ADCY2: variants seen among roughly 807,000 people sequenced by gnomAD.
ADCY2 encodes the protein adenylate cyclase 2, also known as adenylate cyclase type 2.
Under a neutral mutation model 125.2 loss-of-function variants are expected in ADCY2, and 31 were observed. The observed-to-expected ratio is 0.25, with a 90% CI of 0.19 to 0.33. ADCY2 has a LOEUF of 0.33. Among genes scored for constraint, ADCY2 ranks in the 10% least tolerant of loss-of-function variants. ADCY2 has a pLI of 1.00. For synonymous variants in ADCY2, 512 were observed against 548.4 expected, an observed-to-expected ratio of 0.93 and a Z score of 0.93; for missense variants, 904 against 1,418.2, an observed-to-expected ratio of 0.64 and a Z score of 5.82.
At chr5:7,463,304 A>G (rs1278860562) in intron 2 of ADCY2, among the ~76,000 whole-genome samples, 1 of 152,170 alleles carries the variant, frequency 6.6e-6, no homozygotes, top group African/African-American at 2.4e-5. Context: ...AGATTTATTC[A>G]GTGTCCATTA....
At chr5:7,465,063 TACTC>T (rs1445407937) in intron 2 of ADCY2, among the ~76,000 whole-genome samples, 2 of 152,146 alleles carry the variant, frequency 1.3e-5, no homozygotes, top group Non-Finnish European at 2.9e-5. Flanking sequence ...TCATGAGACT[TACTC>T]ACTACTATGA....
intron 2 of ADCY2, among the ~76,000 whole-genome samples, chr5:7,474,967 T>G (rs1237843577): frequency 6.6e-6 from 1 of 152,204 alleles, no homozygotes; most frequent in African/African-American, 2.4e-5. Context: ...AGGGTATCCC[T>G]GGACCTGGGC....
chr5:7,792,921 C>T (rs1403488064), intron 20 of ADCY2, among the ~76,000 whole-genome samples: 18 of 152,180 alleles, frequency 1.2e-4, no homozygotes, highest in Admixed American at 1.0e-3. Flanking sequence ...CCAGGTGAGG[C>T]GGGCATTTCA....
intron 3 of ADCY2, among the ~76,000 whole-genome samples, chr5:7,603,808 T>C: frequency 8.0e-5 from 10 of 124,650 alleles, no homozygotes; most frequent in East Asian, 2.7e-4. Flanking sequence ...TTTTTTTTTT[T>C]TCTTTTGTTT....
In ADCY2 at chr5:7,802,176, G is replaced by A. The variant is rs1744617824; in HGVS notation, c.2629-42G>A. Reference sequence around the variant, plus strand: ...GCCTGTGGAGTGTTTCTGTTTAAAGGTCAGTCTCCTAGTGATCAGCTCTTG... The same window carrying A: ...GCCTGTGGAGTGTTTCTGTTTAAAGATCAGTCTCCTAGTGATCAGCTCTTG... On this transcript the variant is annotated intron_variant, in intron 20 of 24. Coordinates refer to ENST00000338316, the MANE Select transcript of ADCY2 (RefSeq NM_020546.3). The surrounding 1 kb of genome is among the most constrained non-coding windows in gnomAD (Gnocchi z 4.6). The A allele has an allele frequency of 2.5e-6, 4 of 1,597,300 alleles. No homozygotes were observed. Among genetic ancestry groups the A allele is most frequent in the Non-Finnish European group, 3.4e-6 (4 of 1,174,788 alleles).
chr5:7,505,173 C>T (rs571942145), intron 2 of ADCY2, among the ~76,000 whole-genome samples: 3 of 152,222 alleles, frequency 2.0e-5, no homozygotes, highest in South Asian at 2.1e-4. Flanking sequence ...TGTGAGCCAC[C>T]GTGCCTGGCC....
At chr5:7,578,870 G>T (rs954705040) in intron 3 of ADCY2, among the ~76,000 whole-genome samples, 1 of 152,034 alleles carries the variant, frequency 6.6e-6, no homozygotes, top group Non-Finnish European at 1.5e-5. Context: ...GTCCAAATAC[G>T]GTCCATCCTG....
At chr5:7,776,938 G>C (rs150509152) in intron 18 of ADCY2, among the ~76,000 whole-genome samples, 292 of 152,178 alleles carry the variant, frequency 1.9e-3, no homozygotes, top group African/African-American at 6.8e-3. Context: ...TGGTTTTGAG[G>C]CTTTGGGACT....
intron 2 of ADCY2, among the ~76,000 whole-genome samples, chr5:7,440,466 A>G (rs1390339160): frequency 6.6e-6 from 1 of 152,228 alleles, no homozygotes; most frequent in Non-Finnish European, 1.5e-5. Context: ...GAGTTGAAAC[A>G]TGCATTTTTG....
intron 24 of ADCY2, among the ~76,000 whole-genome samples, chr5:7,822,918 C>T (rs989633): frequency 0.54 from 82,184 of 152,060 alleles, 22,553 homozygotes; most frequent in Middle Eastern, 0.63. Context: ...TGATAAATCC[C>T]TATAGTGTGT....
At chr5:7,520,445 A>T (rs757559859) in intron 2 of ADCY2, among the ~76,000 whole-genome samples, 6 of 152,208 alleles carry the variant, frequency 3.9e-5, no homozygotes, top group Non-Finnish European at 7.3e-5. Flanking sequence ...TAAAGCAAAG[A>T]TACAGAACCC....
At chr5:7,804,069 A>AGAGAGAGAGAGT (rs1553990875) in intron 21 of ADCY2, among the ~76,000 whole-genome samples, 1 of 140,444 alleles carries the variant, frequency 7.1e-6, no homozygotes, top group East Asian at 2.1e-4. Flanking sequence ...AGAGAGAGAG[A>AGAGAGAGAGAGT]GAGAGCTGGT....
chr5:7,761,387 A>G (rs764994405), intron 16 of ADCY2, among the ~76,000 whole-genome samples: 5 of 151,878 alleles, frequency 3.3e-5, no homozygotes, highest in Non-Finnish European at 5.9e-5. Flanking sequence ...TTACCGCGTG[A>G]TCCACTGCCT....
chr5:7,555,263 C>T (rs1579568146), intron 3 of ADCY2, among the ~76,000 whole-genome samples: 2 of 152,190 alleles, frequency 1.3e-5, no homozygotes, highest in East Asian at 3.8e-4. Context: ...GCCATTCATT[C>T]GTTCAGCAAA....
intron 2 of ADCY2, among the ~76,000 whole-genome samples, chr5:7,512,080 G>T (rs1744082193): frequency 6.6e-6 from 1 of 151,674 alleles, no homozygotes; most frequent in Admixed American, 6.6e-5. Context: ...CATTAGCCAG[G>T]CGTGGTGGTG....
At chr5:7,460,803 G>C (rs943542633) in intron 2 of ADCY2, among the ~76,000 whole-genome samples, 1 of 152,198 alleles carries the variant, frequency 6.6e-6, no homozygotes, top group Non-Finnish European at 1.5e-5. Context: ...GAAGGGCAGG[G>C]AGGAGACACA....
At chr5:7,639,952 T>A (rs999864546) in intron 4 of ADCY2, among the ~76,000 whole-genome samples, 3 of 152,084 alleles carry the variant, frequency 2.0e-5, no homozygotes, top group South Asian at 4.1e-4. Flanking sequence ...AGACATGGAA[T>A]TTTTTTGTGT....
chr5:7,803,407 C>T (rs944550611), intron 21 of ADCY2, among the ~76,000 whole-genome samples: 8 of 152,188 alleles, frequency 5.3e-5, no homozygotes, highest in South Asian at 2.1e-4. Context: ...TCTTGGTCTC[C>T]GGTCAGCGCC....
At chr5:7,796,373 A>C (rs1744421256) in intron 20 of ADCY2, 1 of 152,192 alleles carries the variant, frequency 6.6e-6, no homozygotes, top group Admixed American at 6.5e-5. Flanking sequence ...TTCTGGAACA[A>C]TGCTTGGAAA....
Sources: gnomAD v4.1 joint callset for allele counts (sites outside exome capture counted in the v4.1 genomes callset) on GRCh38, gnomAD v4.1.1 for gene constraint, Gnocchi (gnomAD v3.1) non-coding constraint, MANE v1.5 for transcripts, NCBI Gene and HGNC (gene_info 2026-07-23, HGNC 2026-07-21) for gene names.